FOXP2: variants seen among roughly 807,000 people sequenced by gnomAD.
FOXP2 encodes the protein forkhead box protein P2.
Under a neutral mutation model 115.8 loss-of-function variants are expected in FOXP2, and 12 were observed. The observed-to-expected ratio is 0.10, with a 90% CI of 0.07 to 0.17. The LOEUF (loss-of-function observed/expected upper bound fraction) is 0.17, where lower values mean the gene tolerates loss of function less well. Among genes scored for constraint, FOXP2 ranks in the 10% least tolerant of loss-of-function variants. The pLI is 1.00. For synonymous variants in FOXP2, 328 were observed against 297.7 expected, an observed-to-expected ratio of 1.10 and a Z score of -1.05; for missense variants, 629 against 843.5, an observed-to-expected ratio of 0.75 and a Z score of 3.15.
chr7:114,130,467 A>T (rs1791842427), intron 1 of FOXP2, among the ~76,000 whole-genome samples: 1 of 152,242 alleles, frequency 6.6e-6, no homozygotes. Flanking sequence ...TTCGTTTATG[A>T]TTGAGGAAAC....
intron 2 of FOXP2, among the ~76,000 whole-genome samples, chr7:114,512,187 CCTT>C (rs1280162989): frequency 2.6e-5 from 4 of 152,098 alleles, no homozygotes; most frequent in Non-Finnish European, 4.4e-5. Flanking sequence ...TATTGCAAGA[CCTT>C]CTCAAAGTGA....
At chr7:114,322,949 A>T (rs148730018) in intron 2 of FOXP2, among the ~76,000 whole-genome samples, 86 of 152,290 alleles carry the variant, frequency 5.6e-4, no homozygotes, top group Middle Eastern at 6.8e-3. Flanking sequence ...ATTGTCATCA[A>T]TGTCACAGAG....
chr7:114,444,375 T>G (rs1199062647), intron 2 of FOXP2, among the ~76,000 whole-genome samples: 1 of 152,162 alleles, frequency 6.6e-6, no homozygotes, highest in Non-Finnish European at 1.5e-5. Context: ...CTGTGTCAAG[T>G]TGAGCTTCTC....
At chr7:114,160,075 C>G (rs1349318469), upstream of FOXP2, among the ~76,000 whole-genome samples, 1 of 152,150 alleles carries the variant, frequency 6.6e-6, no homozygotes, top group Non-Finnish European at 1.5e-5. Flanking sequence ...TGAAGACCTA[C>G]AGTCAAATAG....
intron 3 of FOXP2, among the ~76,000 whole-genome samples, chr7:114,595,601 T>G (rs1802653114): frequency 6.6e-6 from 1 of 152,040 alleles, no homozygotes; most frequent in Non-Finnish European, 1.5e-5. Flanking sequence ...GGTAAGTTGT[T>G]TGTAAGGATT....
At chr7:114,592,357 C>G (rs1328371356) in intron 3 of FOXP2, among the ~76,000 whole-genome samples, 1 of 151,828 alleles carries the variant, frequency 6.6e-6, no homozygotes, top group Non-Finnish European at 1.5e-5. Flanking sequence ...TGTTGTGTCC[C>G]TTAAGTTGGT....
intron 2 of FOXP2, among the ~76,000 whole-genome samples, chr7:114,465,712 A>G (rs1795771302): frequency 6.6e-6 from 1 of 152,136 alleles, no homozygotes; most frequent in East Asian, 1.9e-4. Context: ...TTAGATTCCT[A>G]TTTTCTGTAG....
At chr7:114,682,700 A>G (rs1474191330) in intron 16 of FOXP2, among the ~76,000 whole-genome samples, 1 of 152,142 alleles carries the variant, frequency 6.6e-6, no homozygotes, top group Admixed American at 6.6e-5. Context: ...AGAAGAGACT[A>G]ATTCTCTATT....
At chr7:114,580,170 C>G (rs191496776) in intron 3 of FOXP2, among the ~76,000 whole-genome samples, 3 of 152,280 alleles carry the variant, frequency 2.0e-5, no homozygotes, top group Non-Finnish European at 4.4e-5. Context: ...AGAAAGCAGT[C>G]ACTGGAATGA....
At chr7:114,192,842 T>C (rs528705679) in intron 1 of FOXP2, among the ~76,000 whole-genome samples, 1 of 152,328 alleles carries the variant, frequency 6.6e-6, no homozygotes, top group South Asian at 2.1e-4. Flanking sequence ...ACTTTCCATA[T>C]AGTGAAGGAA....
rs1796510951 is a variant in FOXP2 at position 114,288,161 on chromosome 7, T to A, written c.-11+52T>A. ...CCTTTGGTCATTGTGCTTATTTTTA[T>A]TTTTCTAATGCTGATTTTACTCTTT... is the stretch of plus-strand genomic sequence containing the variant. On this transcript the variant is annotated intron_variant, in intron 2 of 17. Transcript: ENST00000634411. 3 of 444,708 alleles carry A rather than the reference T, an allele frequency of 6.7e-6. No homozygotes were observed. In the Admixed American group the frequency reaches 7.4e-5, roughly 11 times the overall value. The allele number at this position is 444,708 out of a possible 1,614,324, so 27.5% of individuals were successfully genotyped here.
chr7:114,648,833 C>T (rs1159512354), intron 8 of FOXP2, among the ~76,000 whole-genome samples: 2 of 152,016 alleles, frequency 1.3e-5, no homozygotes, highest in East Asian at 1.9e-4. Context: ...TTAGAATTGG[C>T]TCACACAATG....
upstream of FOXP2, among the ~76,000 whole-genome samples, chr7:114,410,930 T>C (rs1156511555): frequency 6.6e-6 from 1 of 152,134 alleles, no homozygotes; most frequent in Non-Finnish European, 1.5e-5. Flanking sequence ...GATTTATTTA[T>C]TCATTTAGGC....
chr7:114,230,378 TCA>T (rs1203738644), intron 1 of FOXP2, among the ~76,000 whole-genome samples: 1 of 151,820 alleles, frequency 6.6e-6, no homozygotes, highest in Non-Finnish European at 1.5e-5. Context: ...TTTTATGAGG[TCA>T]GCATTACCCA....
chr7:114,120,672 G>A (rs983182741), intron 1 of FOXP2, among the ~76,000 whole-genome samples: 14 of 119,144 alleles, frequency 1.2e-4, no homozygotes, highest in African/African-American at 3.9e-4. Context: ...ATATATGTAT[G>A]TGTGTGTGTG....
chr7:114,481,622 T>G (rs1278206939), intron 2 of FOXP2, among the ~76,000 whole-genome samples: 1 of 151,370 alleles, frequency 6.6e-6, no homozygotes, highest in Admixed American at 6.6e-5. Flanking sequence ...CTACTGACTC[T>G]CTGCACTTAG....
intron 1 of FOXP2, among the ~76,000 whole-genome samples, chr7:114,248,208 G>GAGAGAC (rs1554354810): frequency 6.6e-6 from 1 of 150,902 alleles, no homozygotes; most frequent in Non-Finnish European, 1.5e-5. Flanking sequence ...GAGAGAGAGA[G>GAGAGAC]AGAGACAGAG....
At chr7:114,513,137 C>A (rs1046128003) in intron 2 of FOXP2, among the ~76,000 whole-genome samples, 6 of 152,052 alleles carry the variant, frequency 3.9e-5, no homozygotes, top group African/African-American at 1.4e-4. Flanking sequence ...AATTACTCAA[C>A]CTCTCTAGGA....
chr7:114,212,811 G>A (rs2129162100), intron 1 of FOXP2, among the ~76,000 whole-genome samples: 1 of 152,264 alleles, frequency 6.6e-6, no homozygotes, highest in East Asian at 1.9e-4. Context: ...TCCTGTAAAT[G>A]AATATTGCCG....
Sources: gnomAD v4.1 joint callset for allele counts (sites outside exome capture counted in the v4.1 genomes callset) on GRCh38, gnomAD v4.1.1 for gene constraint, MANE v1.5 for transcripts, NCBI Gene and HGNC (gene_info 2026-07-23, HGNC 2026-07-21) for gene names.